The following NCK1 variants were observed in gnomAD, a reference collection of about 807,000 sequenced individuals.
NCK1 encodes the protein NCK adaptor protein 1.
A neutral mutation model predicts 36.6 loss-of-function variants in NCK1; 19 were observed. That is an observed-to-expected ratio of 0.52 (90% CI 0.36 to 0.76). The LOEUF is 0.76. NCK1 is among the 30% of genes least tolerant of loss of function. NCK1 has a pLI of 0.00. For synonymous variants in NCK1, 165 were observed against 156.0 expected, an observed-to-expected ratio of 1.06 and a Z score of -0.43; for missense variants, 358 against 445.6, an observed-to-expected ratio of 0.80 and a Z score of 1.77.
At chr3:136,879,132 A>AAC (rs1019977257) in intron 1 of NCK1, among the ~76,000 whole-genome samples, 84 of 14,992 alleles carry the variant, frequency 5.6e-3, no homozygotes, top group African/African-American at 0.013. Flanking sequence ...TCAGAACAAC[A>AAC]AAAAAAAAGG....
chr3:136,879,801 A>G (rs1034358950), intron 1 of NCK1, among the ~76,000 whole-genome samples: 3 of 152,014 alleles, frequency 2.0e-5, no homozygotes, highest in Non-Finnish European at 4.4e-5. Flanking sequence ...ATGAGAACAC[A>G]TGGACACAGG....
intron 1 of NCK1, among the ~76,000 whole-genome samples, chr3:136,896,245 A>C (rs1361220994): frequency 1.3e-5 from 2 of 152,166 alleles, no homozygotes; most frequent in Non-Finnish European, 2.9e-5. Context: ...CTTTTTCTTT[A>C]ACAATATGTT....
At chr3:136,934,515 A>G (rs528269156) in intron 2 of NCK1, among the ~76,000 whole-genome samples, 12 of 151,512 alleles carry the variant, frequency 7.9e-5, no homozygotes, top group African/African-American at 2.9e-4. Flanking sequence ...CGAACTCCCA[A>G]CCTCATGTGA....
At chr3:136,868,726 C>T (rs1306554163) in intron 1 of NCK1, among the ~76,000 whole-genome samples, 2 of 151,908 alleles carry the variant, frequency 1.3e-5, no homozygotes, top group Non-Finnish European at 2.9e-5. Context: ...TTGATAATGC[C>T]AATTAATCTT....
intron 3 of NCK1, 89 bp from the exon 4 acceptor site, chr3:136,948,170 G>A (rs184348845): frequency 9.9e-7 from 1 of 1,014,360 alleles, no homozygotes; most frequent in Non-Finnish European, 1.4e-6. Flanking sequence ...CTTAGTAAGT[G>A]CTTAGATTTT....
chr3:136,869,414 G>A (rs1321960596), intron 1 of NCK1, among the ~76,000 whole-genome samples: 3 of 152,128 alleles, frequency 2.0e-5, no homozygotes, highest in Non-Finnish European at 2.9e-5. Flanking sequence ...GTGTGATGGC[G>A]AATGCCTGTA....
chr3:136,867,921 A>AT lies in NCK1; in HGVS notation c.-19+5581dup, dbSNP rs35762227. On this transcript the variant is annotated intron_variant, in intron 1 of 3. Transcript: ENST00000481752. Reference sequence around the variant, plus strand: ...GGGAACCTTCATATTTACATTGTAAATTTTTTTTTTTTTGAGACAGAGTTT... The same window carrying AT: ...GGGAACCTTCATATTTACATTGTAAATTTTTTTTTTTTTTGAGACAGAGTTT... Among the ~76,000 whole-genome samples the AT allele has an allele frequency of 1.5e-3, 218 of 149,028 alleles. 1 individual carries two copies. Among genetic ancestry groups the AT allele is most frequent in the African/African-American group, 4.9e-3 (198 of 40,564 alleles).
chr3:136,912,437 G>A lies in NCK1; in HGVS notation c.-18-15547G>A, dbSNP rs539348364. ...CCTCTACTTTTGGCATTCCCACAAT[G>A]TGTGTGTTCGTTCTCTTGATAGTGT... On this transcript the variant is annotated intron_variant, in intron 1 of 3. Coordinates refer to ENST00000481752, the MANE Select transcript of NCK1 (RefSeq NM_001291999.2). Among the ~76,000 whole-genome samples, 3 of 151,412 alleles carry A rather than the reference G, an allele frequency of 2.0e-5. No individual in the cohort carries two copies. The East Asian group carries it at 5.8e-4, about 29-fold the overall frequency.
intron 2 of NCK1, among the ~76,000 whole-genome samples, chr3:136,932,933 A>G (rs1360913210): frequency 6.6e-6 from 1 of 152,274 alleles, no homozygotes; most frequent in Non-Finnish European, 1.5e-5. Context: ...CAACATGCTT[A>G]AACTAAAGAA....
Position 136,949,852 on chromosome 3 carries a change from A to T in NCK1, c.*1399A>T, listed in dbSNP as rs1177128279. 1.3e-5 allele frequency: 2 copies of T among 152,036 alleles called. No homozygotes were observed. The highest frequency in any genetic ancestry group is 2.9e-5 in the Non-Finnish European group (2 of 67,922). 9.4% of individuals were successfully genotyped at this position (152,036 alleles called of 1,614,324 possible). A position where few individuals can be genotyped will look rare whatever the true frequency, so the allele number is the denominator to read the frequency against. The stretch of plus-strand genomic sequence containing the variant: ...GTGTAACTTGTGAATTTTTTTTATC[A>T]ATGTTTTAAATATTATTTAAATCTT... On this transcript the variant is annotated 3_prime_UTR_variant, in exon 4 of 4. Coordinates refer to ENST00000481752, the MANE Select transcript of NCK1 (RefSeq NM_001291999.2).
chr3:136,915,144 G>A (rs1407328734), intron 1 of NCK1, among the ~76,000 whole-genome samples: 1 of 152,124 alleles, frequency 6.6e-6, no homozygotes, highest in African/African-American at 2.4e-5. Flanking sequence ...GCATTCCTTT[G>A]TAGCAACACA....
rs778474804 is a variant in NCK1 at position 136,945,868 on chromosome 3, A to G, written c.512A>G (p.His171Arg). Residue 171 changes from histidine to arginine, a missense_variant, in exon 3 of 4, where the codon CAT (histidine) becomes CGT (arginine). By Grantham distance (29) the His-to-Arg change is conservative. Coordinates refer to ENST00000481752, the MANE Select transcript of NCK1 (RefSeq NM_001291999.2). ...GAAGGTGACAGTCCTTTGGGTGACC[A>G]TGTGGGTTCTCTGTCAGAGAAATTA... Reference protein sequence around the residue: ...TEEGDSPLGDHVGSLSEKLAA... With the variant: ...TEEGDSPLGDRVGSLSEKLAA... 1.2e-6 allele frequency: 2 copies of G among 1,614,048 alleles called. No individual in the cohort carries two copies. The highest frequency in any genetic ancestry group is 8.5e-7 in the Non-Finnish European group (1 of 1,180,028).
intron 2 of NCK1, among the ~76,000 whole-genome samples, chr3:136,936,879 T>C (rs1940545578): frequency 6.6e-6 from 1 of 152,248 alleles, no homozygotes; most frequent in African/African-American, 2.4e-5. Flanking sequence ...ACTAGACCCT[T>C]ATCAGAATTA....
intron 1 of NCK1, among the ~76,000 whole-genome samples, chr3:136,901,615 A>T (rs1423081358): frequency 1.3e-5 from 2 of 152,084 alleles, no homozygotes; most frequent in African/African-American, 4.8e-5. Context: ...TAGATTGTAT[A>T]TGTCTATGTC....
At chr3:136,871,602 A>C (rs957514520) in intron 1 of NCK1, among the ~76,000 whole-genome samples, 1 of 152,110 alleles carries the variant, frequency 6.6e-6, no homozygotes, top group Non-Finnish European at 1.5e-5. Flanking sequence ...AAAGGTAATC[A>C]CTATTCTGTC....
chr3:136,920,703 A>G (rs1940088146), intron 1 of NCK1, among the ~76,000 whole-genome samples: 1 of 152,170 alleles, frequency 6.6e-6, no homozygotes, highest in Non-Finnish European at 1.5e-5. Flanking sequence ...CCATTATGTG[A>G]CTACAAACGT....
In NCK1 at chr3:136,950,112, A is replaced by T. The variant is rs1184320438; in HGVS notation, c.*1659A>T. ...ATCATGTATGCTTATCTTTGCTGTAAAATCAAATGAATATAAATTGAGGAA... is the reference window on the plus strand; with the variant it reads ...ATCATGTATGCTTATCTTTGCTGTATAATCAAATGAATATAAATTGAGGAA... On this transcript the variant is annotated 3_prime_UTR_variant, in exon 4 of 4. Coordinates refer to ENST00000481752, the MANE Select transcript of NCK1 (RefSeq NM_001291999.2). Among the ~76,000 whole-genome samples, 1 of 152,106 alleles carries T rather than the reference A, an allele frequency of 6.6e-6. No homozygotes were observed. Among genetic ancestry groups the T allele is most frequent in the East Asian group, 1.9e-4 (1 of 5,196 alleles).
Position 136,936,774 on chromosome 3 carries a change from C to T in NCK1, c.226+8547C>T, listed in dbSNP as rs114283829. ...CATGTGCCTGTTGGCCATTCGTATA[C>T]CGTAGTTGGAACAATCTTTATTCAA... On this transcript the variant is annotated intron_variant, in intron 2 of 3. Coordinates refer to ENST00000481752, the MANE Select transcript of NCK1 (RefSeq NM_001291999.2). 6.5e-3 allele frequency among the ~76,000 whole-genome samples: 986 copies of T among 152,254 alleles called. 10 individuals are homozygous for T. Among genetic ancestry groups the T allele is most frequent in the African/African-American group, 0.023 (958 of 41,542 alleles).
chr3:136,910,648 G>A (rs9817967), intron 1 of NCK1, among the ~76,000 whole-genome samples: 96,127 of 151,960 alleles, frequency 0.63, 30,695 homozygotes, highest in East Asian at 0.87. Flanking sequence ...TAAATTTAAT[G>A]TTGTTAATTG....
Sources: gnomAD v4.1 joint callset for allele counts (sites outside exome capture counted in the v4.1 genomes callset) on GRCh38, gnomAD v4.1.1 for gene constraint, MANE v1.5 for transcripts, NCBI Gene and HGNC (gene_info 2026-07-23, HGNC 2026-07-21) for gene names.